TRAP1: variants seen among roughly 807,000 people sequenced by gnomAD.
The protein encoded by TRAP1 is TNF receptor associated protein 1.
TRAP1 carries 102 observed loss-of-function variants against 89.1 expected under a neutral mutation model. The ratio of observed to expected loss-of-function variants is 1.15; its 90% CI spans 0.98 to 1.35. The LOEUF (loss-of-function observed/expected upper bound fraction) is 1.35, where lower values mean the gene tolerates loss of function less well. Ranked by LOEUF, TRAP1 falls within the 40% of genes most tolerant of loss-of-function variation. The pLI, the probability that TRAP1 is intolerant of heterozygous loss-of-function variation, is 0.00. For synonymous variants in TRAP1, 508 were observed against 388.0 expected, an observed-to-expected ratio of 1.31 and a Z score of -3.64; for missense variants, 1,256 against 945.3, an observed-to-expected ratio of 1.33 and a Z score of -4.31.
At chr16:3,661,575 T>C (rs2043076840) in intron 16 of TRAP1, 1 of 166,812 alleles carries the variant, frequency 6.0e-6, no homozygotes, top group Admixed American at 6.4e-5. Flanking sequence ...GCAGCGGACA[T>C]TATTCGGCTA....
At chr16:3,688,015 A>G (rs2051160996) in intron 3 of TRAP1, among the ~76,000 whole-genome samples, 1 of 152,164 alleles carries the variant, frequency 6.6e-6, no homozygotes, top group Non-Finnish European at 1.5e-5. Flanking sequence ...CGAAACCCGG[A>G]AACAGCTCCT....
At position 3,658,131 on chromosome 16, in the gene TRAP1, A is replaced by T. The variant is rs1049863556; in HGVS notation, c.2113T>A (p.Ter705ArgextTer8). The change falls in exon 18 of 18, where the codon TGA becomes AGA. Residue 705 changes from the stop codon to arginine, a stop_lost. Coordinates refer to ENST00000246957, the MANE Select transcript of TRAP1 (RefSeq NM_016292.3). The stretch of plus-strand genomic sequence containing the variant: ...CAGTCCTTCTGGCCCCCTGGCTGTC[A>T]GTGTCGCTCCAGGGCCTTGACAAGC... ...ELLVKALERH[*>R] 2 of 1,613,954 alleles carry T rather than the reference A, an allele frequency of 1.2e-6. No homozygotes were observed. Among genetic ancestry groups the T allele is most frequent in the Admixed American group, 3.3e-5 (2 of 60,016 alleles).
intron 1 of TRAP1, 153 bp from the exon 2 acceptor site, chr16:3,691,138 C>T: frequency 1.6e-6 from 1 of 637,590 alleles, no homozygotes. Context: ...CCAAATGCCA[C>T]AGTGTCAGGG....
intron 2 of TRAP1, among the ~76,000 whole-genome samples, 200 bp from the exon 3 acceptor site, chr16:3,689,337 C>T (rs981387866): frequency 2.0e-5 from 3 of 151,544 alleles, no homozygotes; most frequent in Non-Finnish European, 2.9e-5. Flanking sequence ...CTCTGCCTCC[C>T]GGGTTCACGC....
rs1014806515 is a variant in TRAP1, at chr16:3,661,651, T to C, written c.1940+336A>G. On this transcript the variant is annotated intron_variant, in intron 16 of 17. Coordinates refer to ENST00000246957, the MANE Select transcript of TRAP1 (RefSeq NM_016292.3). ...TCATGCCAAGTGAGCAACGTGAGAC[T>C]TCAGCAAACACCAAGATCCACGTAC... is the stretch of plus-strand genomic sequence containing the variant. The C allele has an allele frequency of 1.9e-5, 5 of 267,278 alleles. No homozygotes were observed. The South Asian group carries it at 8.2e-4, about 44-fold the overall frequency. The allele number at this position is 267,278 out of a possible 1,614,324, so 16.6% of individuals were successfully genotyped here.
intron 16 of TRAP1, chr16:3,659,269 C>T (rs755535805): frequency 5.8e-5 from 10 of 171,822 alleles, no homozygotes; most frequent in African/African-American, 2.2e-4. Context: ...CTCCATGTAA[C>T]GAGGGTGGAC....
intron 9 of TRAP1, among the ~76,000 whole-genome samples, chr16:3,673,995 T>C (rs540136597): frequency 9.3e-4 from 141 of 152,302 alleles, no homozygotes; most frequent in Non-Finnish European, 1.5e-3. Context: ...CACCCCAGCC[T>C]GCACTGAGAT....
At chr16:3,658,912 G>A (rs778075875) in intron 16 of TRAP1, 47 bp from the exon 17 acceptor site, 11 of 1,589,842 alleles carry the variant, frequency 6.9e-6, no homozygotes, top group African/African-American at 5.4e-5. Flanking sequence ...ACCACGTGCT[G>A]TGACCCTCCC....
At chr16:3,671,834 C>G in intron 10 of TRAP1, 43 bp from the exon 11 acceptor site, 1 of 1,591,516 alleles carries the variant, frequency 6.3e-7, no homozygotes, top group Non-Finnish European at 8.6e-7. Flanking sequence ...CTGCGGCCCT[C>G]CACACCACCC....
At chr16:3,687,883 A>G (rs917992297) in intron 3 of TRAP1, among the ~76,000 whole-genome samples, 1 of 150,016 alleles carries the variant, frequency 6.7e-6, no homozygotes, top group Non-Finnish European at 1.5e-5. Flanking sequence ...AAAAACAAAA[A>G]CCCACACAAT....
In TRAP1 at chr16:3,665,986, G is replaced by T. The variant is rs201237207; in HGVS notation, c.1368C>A (p.Thr456=). ...GCTCCTATACCTTGACCTCCTGCTC[G>T]GTGGCGGTCACAATGCCCTCCCGCA... ...LFMREGIVTA[T]EQEVKEDIAK... is the part of the protein sequence containing the mutation. Residue 456 remains threonine (T), a synonymous_variant, in exon 12 of 18, where the codon ACC becomes ACA. Coordinates refer to ENST00000246957, the MANE Select transcript of TRAP1 (RefSeq NM_016292.3). 6.2e-7 allele frequency: 1 copy of T among 1,613,716 alleles called. No individual in the cohort carries two copies. Among genetic ancestry groups the T allele is most frequent in the Non-Finnish European group, 8.5e-7 (1 of 1,179,894 alleles).
chr16:3,692,763 T>A (rs1354871112), intron 1 of TRAP1, among the ~76,000 whole-genome samples: 1 of 150,652 alleles, frequency 6.6e-6, no homozygotes, highest in East Asian at 2.0e-4. Flanking sequence ...CACACCCAGC[T>A]AATTTTTGTA....
intron 9 of TRAP1, 145 bp from the exon 10 acceptor site, chr16:3,672,965 C>T (rs765981129): frequency 5.1e-5 from 66 of 1,287,396 alleles, no homozygotes; most frequent in Non-Finnish European, 6.4e-5. Context: ...AAGCCCAGTG[C>T]AGGGGCCCCA....
At chr16:3,710,910 A>C (rs2051522601) in intron 1 of TRAP1, among the ~76,000 whole-genome samples, 1 of 140,610 alleles carries the variant, frequency 7.1e-6, no homozygotes, top group African/African-American at 2.8e-5. Flanking sequence ...TCACTCTGTC[A>C]CCCAGACTGT....
chr16:3,708,580 T>C (rs2051482899), intron 1 of TRAP1, among the ~76,000 whole-genome samples: 1 of 152,052 alleles, frequency 6.6e-6, no homozygotes, highest in South Asian at 2.1e-4. Flanking sequence ...GAGGTTGCAG[T>C]GAGCCAAGAT....
intron 1 of TRAP1, among the ~76,000 whole-genome samples, chr16:3,709,809 C>G (rs867634795): frequency 6.6e-6 from 1 of 152,170 alleles, no homozygotes; most frequent in South Asian, 2.1e-4. Flanking sequence ...CGCCACCACG[C>G]CCGGCTAGTT....
Position 3,662,167 on chromosome 16 carries a change from G to A in TRAP1, c.1795-35C>T, listed in dbSNP as rs767659168. Reference sequence around the variant, plus strand: ...AAGCCCGGGGTTGAGGGTGATAGAGGTTCCCAATGTGAGAGGGCTGGCAGG... The same window carrying A: ...AAGCCCGGGGTTGAGGGTGATAGAGATTCCCAATGTGAGAGGGCTGGCAGG... On this transcript the variant is annotated intron_variant, in intron 15 of 17. Coordinates refer to ENST00000246957, the MANE Select transcript of TRAP1 (RefSeq NM_016292.3). The A allele has an allele frequency of 2.1e-5, 33 of 1,590,386 alleles. No homozygotes were observed. The East Asian group carries it at 2.7e-4, about 13-fold the overall frequency.
chr16:3,698,339 TCTCA>T (rs1027582386), intron 1 of TRAP1, among the ~76,000 whole-genome samples: 2 of 150,726 alleles, frequency 1.3e-5, no homozygotes, highest in Non-Finnish European at 3.0e-5. Context: ...TTTTTTAGAG[TCTCA>T]CTCTGTTGCC....
chr16:3,664,485 C>T, intron 12 of TRAP1, 26 bp from the exon 13 acceptor site: 4 of 1,592,556 alleles, frequency 2.5e-6, no homozygotes, highest in Non-Finnish European at 3.4e-6. Flanking sequence ...CAGGTCACCA[C>T]TTATTCCAGG....
Sources: allele counts gnomAD v4.1 joint callset (sites outside exome capture counted in the v4.1 genomes callset), GRCh38; gene constraint gnomAD v4.1.1; transcripts MANE v1.5; gene names NCBI Gene and HGNC (gene_info 2026-07-23, HGNC 2026-07-21).